Variants in MTA1 observed in about 807,000 individuals in gnomAD.
MTA1 encodes metastasis associated 1.
Under a neutral mutation model 97.0 loss-of-function variants are expected in MTA1, and 15 were observed. The observed-to-expected ratio is 0.15, with a 90% CI of 0.10 to 0.24. The LOEUF (loss-of-function observed/expected upper bound fraction) is 0.24, where lower values mean the gene tolerates loss of function less well. MTA1 is among the 10% of genes least tolerant of loss of function. The pLI is 1.00. For synonymous variants in MTA1, 435 were observed against 417.5 expected (o/e 1.04, Z -0.51); for missense variants, 709 against 1,015.1 (o/e 0.70, Z 4.10).
chr14:105,451,775 C>CTTTTTTTTTT (rs1436886470), intron 6 of MTA1, among the ~76,000 whole-genome samples: 1 of 118,268 alleles, frequency 8.5e-6, no homozygotes, highest in African/African-American at 3.1e-5. Flanking sequence ...TTTTCTTTTT[C>CTTTTTTTTTT]TTTTTTTGTT....
intron 8 of MTA1, 60 bp from the exon 9 acceptor site, chr14:105,460,298 T>C (rs2083302781): frequency 6.8e-7 from 1 of 1,476,018 alleles, no homozygotes; most frequent in Non-Finnish European, 9.1e-7. Flanking sequence ...TGGGGAGCGG[T>C]GTGCCTGTGG....
intron 2 of MTA1, among the ~76,000 whole-genome samples, chr14:105,441,712 T>A (rs369292152): frequency 2.0e-5 from 3 of 152,170 alleles, no homozygotes; most frequent in Middle Eastern, 3.4e-3. Flanking sequence ...GAGAATGGCG[T>A]GAACCCGGGA....
rs587766983 is a variant in MTA1 at position 105,430,890 on chromosome 14, C to T, written c.29-7782C>T. Among the ~76,000 whole-genome samples, 12 of 152,220 alleles carry T rather than the reference C, an allele frequency of 7.9e-5. No individual in the cohort carries two copies. In the East Asian group the frequency reaches 2.1e-3, roughly 27 times the overall value. On this transcript the variant is annotated intron_variant, in intron 1 of 20. Transcript: ENST00000331320. ...AAATAAAGTGTTATGGGAACACGGC[C>T]GCACTAATGGGAGGGATTCCAGTTA...
intron 7 of MTA1, among the ~76,000 whole-genome samples, chr14:105,454,990 C>T (rs1555429560): frequency 1.3e-5 from 2 of 152,034 alleles, no homozygotes; most frequent in African/African-American, 2.4e-5. Context: ...ACTGCAGCCT[C>T]GACCTCCCAG....
At position 105,424,987 on chromosome 14, in the gene MTA1, TC is replaced by T. The variant is rs2081966867; in HGVS notation, c.28+4926del. Among the ~76,000 whole-genome samples the T allele has an allele frequency of 6.6e-6, 1 of 152,190 alleles. No individual in the cohort carries two copies. The highest frequency in any genetic ancestry group is 6.5e-5 in the Admixed American group (1 of 15,288). On this transcript the variant is annotated intron_variant, in intron 1 of 20. Transcript: ENST00000331320. The surrounding 1 kb of genome is among the most constrained non-coding windows in gnomAD (Gnocchi z 4.0). The stretch of plus-strand genomic sequence containing the variant: ...AACTGCTGCAGTGGCCCTGCAGGCA[TC>T]CTACCTAGAGGTGGGTCCCCAGCTG...
In MTA1 at chr14:105,463,155, G is replaced by A. The variant is rs1555431432; in HGVS notation, c.943-29G>A. 6 of 1,607,648 alleles carry A rather than the reference G, an allele frequency of 3.7e-6. No homozygotes were observed. The South Asian group carries it at 4.4e-5, about 12-fold the overall frequency. ...GTGTGCCTGCCTCCTGCCCCTTCCT[G>A]CTTGTGTGACACGCCTCCTCCCACC... is the stretch of plus-strand genomic sequence containing the variant. On this transcript the variant is annotated intron_variant, in intron 10 of 20. Transcript: ENST00000331320. The surrounding 1 kb of genome is among the most constrained non-coding windows in gnomAD (Gnocchi z 5.9).
At chr14:105,461,985 C>A (rs782252801) in intron 10 of MTA1, among the ~76,000 whole-genome samples, 1 of 142,256 alleles carries the variant, frequency 7.0e-6, no homozygotes, top group African/African-American at 2.6e-5. Flanking sequence ...AGGCTCAGAC[C>A]AGGGCGGAAT....
At position 105,469,878 on chromosome 14, in the gene MTA1, A is replaced by G; in HGVS notation, c.1883A>G (p.Tyr628Cys). 6.2e-7 allele frequency: 1 copy of G among 1,610,484 alleles called. No homozygotes were observed. The highest frequency in any genetic ancestry group is 8.5e-7 in the Non-Finnish European group (1 of 1,178,988). ...AACCTCCTGCTCAACGGGAAGTCCT[A>G]CCCCACCAAAGTGCGCCTGATCCGG... ...SRNLLLNGKS[Y>C]PTKVRLIRGG... The change falls in exon 20 of 21, where the codon TAC (tyrosine) becomes TGC (cysteine). Residue 628 changes from tyrosine (Y) to cysteine (C), a missense_variant. This residue lies in a region of MTA1 where 388 missense variants were observed against 421.6 expected (regional missense o/e 0.92). Coordinates refer to ENST00000331320, the MANE Select transcript of MTA1 (RefSeq NM_004689.4).
Position 105,424,739 on chromosome 14 carries a change from A to G in MTA1, c.28+4676A>G, listed in dbSNP as rs1394056033. ...TCGAACTCCTGACCTCAAGTGATCC[A>G]CCCGCCTCGGCCTCCCAAAGTGCTG... On this transcript the variant is annotated intron_variant, in intron 1 of 20. Transcript: ENST00000331320. The surrounding 1 kb of genome is among the most constrained non-coding windows in gnomAD (Gnocchi z 4.0). Among the ~76,000 whole-genome samples the G allele has an allele frequency of 2.6e-5, 4 of 151,078 alleles. No homozygotes were observed. The highest frequency in any genetic ancestry group is 7.3e-5 in the African/African-American group (3 of 41,048).
At chr14:105,466,800 G>A (rs1336199436) in intron 18 of MTA1, 58 bp downstream of exon 18, 6 of 1,522,698 alleles carry the variant, frequency 3.9e-6, no homozygotes, top group Non-Finnish European at 4.4e-6. Context: ...TGCCTGTGCT[G>A]TGCTGCTCTG....
chr14:105,447,265 T>G (rs2082748995), intron 3 of MTA1, among the ~76,000 whole-genome samples: 1 of 152,162 alleles, frequency 6.6e-6, no homozygotes, highest in Non-Finnish European at 1.5e-5. Flanking sequence ...GGCCGCAGTG[T>G]GGCCCTGCCA....
intron 18 of MTA1, chr14:105,467,075 G>C (rs1301699454): frequency 4.2e-6 from 2 of 479,294 alleles, no homozygotes; most frequent in African/African-American, 2.0e-5. Context: ...GGGGCCGCCC[G>C]TGCTGTGCCT....
chr14:105,450,428 C>G (rs1190032227), intron 6 of MTA1, 104 bp downstream of exon 6: 9 of 1,266,744 alleles, frequency 7.1e-6, no homozygotes, highest in African/African-American at 1.5e-5. Flanking sequence ...TTTCCCTCCT[C>G]CCTCTAGGCC....
chr14:105,442,601 A>G (rs1247704258), intron 2 of MTA1, among the ~76,000 whole-genome samples: 1 of 152,254 alleles, frequency 6.6e-6, no homozygotes, highest in African/African-American at 2.4e-5. Context: ...AGAATGGCCT[A>G]GTGTGGCCTC....
intron 3 of MTA1, among the ~76,000 whole-genome samples, chr14:105,447,463 C>T (rs1050883911): frequency 6.6e-6 from 1 of 152,176 alleles, no homozygotes; most frequent in East Asian, 1.9e-4. Flanking sequence ...TGCTCTCAGA[C>T]GCCCCAGAGG....
At chr14:105,454,945 G>T (rs587742501) in intron 7 of MTA1, among the ~76,000 whole-genome samples, 3 of 151,946 alleles carry the variant, frequency 2.0e-5, no homozygotes, top group African/African-American at 7.2e-5. Context: ...TGGCTCTGTC[G>T]CCCAGGCTGG....
intron 16 of MTA1, chr14:105,466,148 G>A (rs1555432739): frequency 3.8e-6 from 2 of 522,814 alleles, no homozygotes; most frequent in Non-Finnish European, 6.9e-6. Flanking sequence ...GTTGTCCCGG[G>A]GCTGAGGGGC....
chr14:105,454,174 C>T lies in MTA1; in HGVS notation c.433-19C>T. The T allele has an allele frequency of 6.3e-7, 1 of 1,586,612 alleles. No homozygotes were observed. The highest frequency in any genetic ancestry group is 1.1e-5 in the South Asian group (1 of 90,318). ...CCTGACTGTGCTGACGCCTCTCTGT[C>T]TCCTGTGGTGTTTTCCAGGATTTCT... On this transcript the variant is annotated intron_variant, in intron 6 of 20. Transcript: ENST00000331320.
Position 105,466,427 on chromosome 14 carries a change from G to GGGCCC in MTA1, c.1626_1627insGGCCC (p.Thr543GlyfsTer13). The GGGCCC allele has an allele frequency of 6.3e-7, 1 of 1,592,098 alleles. No homozygotes were observed. Among genetic ancestry groups the GGGCCC allele is most frequent in the Non-Finnish European group, 8.6e-7 (1 of 1,165,314 alleles). Reference sequence around the variant, plus strand: ...TTCTGCCTGTGTCATTCCCGGCAGAGACCCACCCCCGCCCCCCCAAGCCTG... The same window carrying GGGCCC: ...TTCTGCCTGTGTCATTCCCGGCAGAGGGCCCACCCACCCCCGCCCCCCCAAGCCTG... On this transcript the variant is annotated frameshift_variant and splice_region_variant, in exon 17 of 21. Coordinates refer to ENST00000331320, the MANE Select transcript of MTA1 (RefSeq NM_004689.4). LOFTEE classifies it high-confidence loss of function.
Sources: gnomAD v4.1 joint callset for allele counts (sites outside exome capture counted in the v4.1 genomes callset) on GRCh38, gnomAD v4.1.1 for gene constraint, gnomAD v4.1.1 regional missense constraint, Gnocchi (gnomAD v3.1) non-coding constraint, MANE v1.5 for transcripts, NCBI Gene and HGNC (gene_info 2026-07-23, HGNC 2026-07-21) for gene names.